Variants in TAF3 observed in about 807,000 individuals in gnomAD.
TAF3 encodes the protein TATA-box binding protein associated factor 3, also known as transcription initiation factor TFIID subunit 3.
In TAF3, 7 loss-of-function variants were observed where a neutral mutation model predicts 80.6. The ratio of observed to expected loss-of-function variants is 0.09; its 90% confidence interval spans 0.05 to 0.16. TAF3 has a LOEUF of 0.16. TAF3 is among the 10% of genes least tolerant of loss of function. The pLI, the probability that TAF3 is intolerant of heterozygous loss-of-function variation, is 1.00. For synonymous variants in TAF3, 444 were observed against 446.1 expected, an observed-to-expected ratio of 1.00 and a Z score of 0.06; for missense variants, 921 against 1,140.2, an observed-to-expected ratio of 0.81 and a Z score of 2.77.
At chr10:7,902,922 T>C (rs2131172805) in intron 2 of TAF3, among the ~76,000 whole-genome samples, 1 of 152,246 alleles carries the variant, frequency 6.6e-6, no homozygotes, top group African/African-American at 2.4e-5. Context: ...TTTTTTTTTA[T>C]TTAATGTTTA....
chr10:7,976,443 C>A (rs1392853615), intron 3 of TAF3, among the ~76,000 whole-genome samples: 2 of 145,550 alleles, frequency 1.4e-5, no homozygotes, highest in Non-Finnish European at 1.5e-5. Context: ...GAGACGGAGT[C>A]TCGCTGTGTT....
rs143619519 is a variant in TAF3 at position 7,880,607 on chromosome 10, G to T, written c.409+56047G>T. ...CCTGCTGACGTTGTTTCCTTTAAGG[G>T]CCATTTCTTATAAATGCATTTATAT... On this transcript the variant is annotated intron_variant, in intron 2 of 6. Coordinates refer to ENST00000344293, the MANE Select transcript of TAF3 (RefSeq NM_031923.4). Among the ~76,000 whole-genome samples the T allele has an allele frequency of 1.1e-3, 171 of 152,172 alleles. 5 individuals are homozygous for T. In the East Asian group the frequency reaches 0.027, roughly 24 times the overall value.
chr10:7,861,166 G>A (rs192470823), intron 2 of TAF3, among the ~76,000 whole-genome samples: 1 of 152,150 alleles, frequency 6.6e-6, no homozygotes, highest in East Asian at 1.9e-4. Flanking sequence ...GGGTTTCACT[G>A]TGTTAGCCAG....
At chr10:7,936,198 TCTGGGAATGAAA>T (rs1837918846) in intron 2 of TAF3, among the ~76,000 whole-genome samples, 1 of 152,156 alleles carries the variant, frequency 6.6e-6, no homozygotes, top group Non-Finnish European at 1.5e-5. Context: ...CTTTCAAGAC[TCTGGGAATGAAA>T]CAAGCACAGT....
intron 2 of TAF3, among the ~76,000 whole-genome samples, chr10:7,857,558 T>C (rs2131131907): frequency 6.6e-6 from 1 of 152,372 alleles, no homozygotes; most frequent in African/African-American, 2.4e-5. Flanking sequence ...CACAAGCCTC[T>C]ACTCAGACTT....
intron 2 of TAF3, among the ~76,000 whole-genome samples, chr10:7,830,772 C>A (rs1836792030): frequency 1.3e-5 from 2 of 152,180 alleles, no homozygotes; most frequent in South Asian, 4.1e-4. Context: ...GCGTGAGCCA[C>A]CCCGCCCAAC....
Position 8,009,013 on chromosome 10 carries a change from T to A in TAF3, c.2316-65T>A. On this transcript the variant is annotated intron_variant, in intron 4 of 6. Transcript: ENST00000344293. The surrounding 1 kb of genome is among the most constrained non-coding windows in gnomAD (Gnocchi z 4.1). ...AAAAGCTATTTTACGATCATGTTTT[T>A]AAGCACGGGTTTGGTTCGATGATGA... 1 of 1,542,370 alleles carries A rather than the reference T, an allele frequency of 6.5e-7. No homozygotes were observed. The highest frequency in any genetic ancestry group is 1.1e-5 in the South Asian group (1 of 90,400).
chr10:7,881,319 A>G (rs1837359449), intron 2 of TAF3, among the ~76,000 whole-genome samples: 1 of 151,974 alleles, frequency 6.6e-6, no homozygotes, highest in African/African-American at 2.4e-5. Context: ...ACTTTACTGT[A>G]TCTTGAGAAT....
chr10:7,925,277 G>A (rs563780410), intron 2 of TAF3, among the ~76,000 whole-genome samples: 1 of 152,332 alleles, frequency 6.6e-6, no homozygotes, highest in African/African-American at 2.4e-5. Flanking sequence ...GTGGACATGT[G>A]TGTGGACCCT....
intron 2 of TAF3, among the ~76,000 whole-genome samples, chr10:7,851,938 C>T (rs1263177592): frequency 1.3e-5 from 2 of 151,896 alleles, no homozygotes; most frequent in African/African-American, 2.4e-5. Context: ...AGCCACCATG[C>T]CTGGCTTTTT....
intron 2 of TAF3, among the ~76,000 whole-genome samples, chr10:7,929,657 C>A (rs1227832094): frequency 6.6e-6 from 1 of 152,080 alleles, no homozygotes. Context: ...AGCCACCGTG[C>A]CTGGCCCTAT....
At chr10:7,881,363 A>G (rs1054754500) in intron 2 of TAF3, among the ~76,000 whole-genome samples, 6 of 152,104 alleles carry the variant, frequency 3.9e-5, no homozygotes, top group African/African-American at 1.2e-4. Context: ...AGGTTCCTAA[A>G]CCTTAAGATA....
At chr10:7,975,070 C>CAAAAAA (rs35755700) in intron 3 of TAF3, 3 of 175,916 alleles carry the variant, frequency 1.7e-5, no homozygotes, top group African/African-American at 8.5e-5. Context: ...GACTCTGTCT[C>CAAAAAA]AAAAAAAAAA....
intron 2 of TAF3, among the ~76,000 whole-genome samples, chr10:7,871,504 T>G (rs1205610080): frequency 7.0e-6 from 1 of 142,770 alleles, no homozygotes; most frequent in East Asian, 2.1e-4. Flanking sequence ...AGTGCAATGG[T>G]GTGATCTCTG....
intron 2 of TAF3, among the ~76,000 whole-genome samples, chr10:7,845,804 G>A (rs887366976): frequency 6.6e-6 from 1 of 152,070 alleles, no homozygotes; most frequent in Non-Finnish European, 1.5e-5. Flanking sequence ...TAACTTATGT[G>A]AATAGCATTG....
intron 4 of TAF3, among the ~76,000 whole-genome samples, chr10:8,005,730 G>A (rs1831984830): frequency 6.6e-6 from 1 of 152,192 alleles, no homozygotes; most frequent in Non-Finnish European, 1.5e-5. Flanking sequence ...TAGAAGCAGT[G>A]TTTTAAAATT....
At chr10:7,975,190 T>C (rs1249247500) in intron 3 of TAF3, 1 of 201,580 alleles carries the variant, frequency 5.0e-6, no homozygotes, top group Non-Finnish European at 1.1e-5. Context: ...AGGAGACAGA[T>C]GCTAGTGTAA....
chr10:7,877,171 T>G (rs907573395), intron 2 of TAF3, among the ~76,000 whole-genome samples: 7 of 152,178 alleles, frequency 4.6e-5, no homozygotes, highest in African/African-American at 1.7e-4. Flanking sequence ...TAGGTGATAA[T>G]TACTTAGCTT....
intron 2 of TAF3, among the ~76,000 whole-genome samples, chr10:7,864,465 T>A (rs923831558): frequency 7.9e-5 from 12 of 152,138 alleles, no homozygotes; most frequent in Non-Finnish European, 1.2e-4. Flanking sequence ...CTCTACATTT[T>A]AAAAAAATAC....
Sources: allele counts gnomAD v4.1 joint callset (sites outside exome capture counted in the v4.1 genomes callset), GRCh38; gene constraint gnomAD v4.1.1; non-coding constraint Gnocchi (gnomAD v3.1); transcripts MANE v1.5; gene names NCBI Gene and HGNC (gene_info 2026-07-23, HGNC 2026-07-21).